SIPA1L1: variants seen among roughly 807,000 people sequenced by gnomAD.
SIPA1L1 encodes signal induced proliferation associated 1 like 1.
Under a neutral mutation model 162.7 loss-of-function variants are expected in SIPA1L1, and 26 were observed. The ratio of observed to expected loss-of-function variants is 0.16; its 90% confidence interval spans 0.12 to 0.22. SIPA1L1 has a LOEUF of 0.22. Ranked by LOEUF, SIPA1L1 falls within the 10% of genes least tolerant of loss-of-function variation. The pLI is 1.00. For missense variants in SIPA1L1, 1,874 were observed against 2,241.0 expected, an observed-to-expected ratio of 0.84 and a Z score of 3.31; for synonymous variants, 829 against 837.4, an observed-to-expected ratio of 0.99 and a Z score of 0.17.
At chr14:71,464,742 A>C (rs1253075774) in intron 2 of SIPA1L1, among the ~76,000 whole-genome samples, 1 of 152,164 alleles carries the variant, frequency 6.6e-6, no homozygotes, top group Non-Finnish European at 1.5e-5. Flanking sequence ...TCCTTCCACT[A>C]TTATTCCTTA....
intron 2 of SIPA1L1, among the ~76,000 whole-genome samples, chr14:71,392,319 G>A (rs928318730): frequency 2.6e-5 from 4 of 152,094 alleles, no homozygotes; most frequent in Admixed American, 2.6e-4. Flanking sequence ...GCCTGTCACC[G>A]AGCCTTGTTT....
rs948748700 is a variant in SIPA1L1, at chr14:71,377,384, C to T, written c.-465+56203C>T. 4.0e-4 allele frequency among the ~76,000 whole-genome samples: 60 copies of T among 151,048 alleles called. No homozygotes were observed. The highest frequency in any genetic ancestry group is 4.4e-4 in the Non-Finnish European group (30 of 67,718). On this transcript the variant is annotated intron_variant, in intron 2 of 23. Transcript: ENST00000381232. The surrounding 1 kb of genome is among the most constrained non-coding windows in gnomAD (Gnocchi z 4.8). The stretch of plus-strand genomic sequence containing the variant: ...ACTCCTCAGTTCCCAGACGGGGTCG[C>T]GGCCGGGCAGAGGCACTCCTCACCT...
At chr14:71,326,828 C>G (rs2033873066) in intron 2 of SIPA1L1, among the ~76,000 whole-genome samples, 1 of 150,040 alleles carries the variant, frequency 6.7e-6, no homozygotes, top group Non-Finnish European at 1.5e-5. Flanking sequence ...TCTCCTGCCT[C>G]AGCCTCCCAA....
intron 5 of SIPA1L1, among the ~76,000 whole-genome samples, chr14:71,608,821 G>C (rs950870240): frequency 6.6e-6 from 1 of 152,132 alleles, no homozygotes; most frequent in Non-Finnish European, 1.5e-5. Flanking sequence ...CTTGAACCTG[G>C]GAGTTGGAGG....
intron 4 of SIPA1L1, among the ~76,000 whole-genome samples, chr14:71,550,027 G>GCA (rs2055647839): frequency 6.6e-6 from 1 of 151,556 alleles, no homozygotes; most frequent in Non-Finnish European, 1.5e-5. Context: ...GGGAGGCTGA[G>GCA]GTAGGAGAAT....
intron 2 of SIPA1L1, among the ~76,000 whole-genome samples, chr14:71,443,804 C>T (rs1478073083): frequency 6.6e-6 from 1 of 152,214 alleles, no homozygotes; most frequent in Non-Finnish European, 1.5e-5. Context: ...TAAAGGAAAT[C>T]ACTAGGGACA....
At chr14:71,365,909 A>G (rs1328600294) in intron 2 of SIPA1L1, among the ~76,000 whole-genome samples, 1 of 54,044 alleles carries the variant, frequency 1.9e-5, no homozygotes, top group Non-Finnish European at 4.1e-5. Flanking sequence ...TTTTTTTTTA[A>G]GAGATGGGGT....
intron 2 of SIPA1L1, among the ~76,000 whole-genome samples, chr14:71,480,518 T>C (rs2048273318): frequency 6.6e-6 from 1 of 150,598 alleles, no homozygotes; most frequent in African/African-American, 2.4e-5. Context: ...TCCCAGCATT[T>C]TGGGAGGCCT....
chr14:71,535,076 C>T (rs1595949981), intron 4 of SIPA1L1, among the ~76,000 whole-genome samples: 1 of 152,214 alleles, frequency 6.6e-6, no homozygotes, highest in South Asian at 2.1e-4. Context: ...ATAATTTTAC[C>T]GTCCAGAAGT....
chr14:71,399,149 CTTGATGCATAT>C (rs1226810714), intron 2 of SIPA1L1, among the ~76,000 whole-genome samples: 1 of 152,130 alleles, frequency 6.6e-6, no homozygotes, highest in Non-Finnish European at 1.5e-5. Context: ...TAACATGTTC[CTTGATGCATAT>C]TCAAGTCCTG....
chr14:71,438,611 A>G (rs574276714), intron 2 of SIPA1L1, among the ~76,000 whole-genome samples: 6 of 152,240 alleles, frequency 3.9e-5, no homozygotes, highest in Non-Finnish European at 8.8e-5. Flanking sequence ...CTTTGGTACC[A>G]AACAGACATG....
chr14:71,616,712 G>T (rs2038882814), intron 5 of SIPA1L1, among the ~76,000 whole-genome samples: 1 of 152,144 alleles, frequency 6.6e-6, no homozygotes, highest in South Asian at 2.1e-4. Context: ...TAGACACATT[G>T]TCATTTGCCA....
At chr14:71,393,238 A>G (rs974840216) in intron 2 of SIPA1L1, among the ~76,000 whole-genome samples, 1 of 148,984 alleles carries the variant, frequency 6.7e-6, no homozygotes, top group Non-Finnish European at 1.5e-5. Context: ...AAGTTATTAT[A>G]ATATTTTCAA....
rs144127608 is a variant in SIPA1L1, at chr14:71,610,555, T to C, written c.1499-8202T>C. On this transcript the variant is annotated intron_variant, in intron 5 of 23. Transcript: ENST00000381232. ...ACTAGTGAGTTTCAGTTTTTAAAAA[T>C]ATAACTATTGGCCATTTGTCATAGA... is the stretch of plus-strand genomic sequence containing the variant. 7.4e-4 allele frequency among the ~76,000 whole-genome samples: 113 copies of C among 152,318 alleles called. No homozygotes were observed. In the East Asian group the frequency reaches 0.02, roughly 27 times the overall value.
chr14:71,462,125 A>G (rs1031192851), intron 2 of SIPA1L1, among the ~76,000 whole-genome samples: 4 of 152,240 alleles, frequency 2.6e-5, no homozygotes, highest in African/African-American at 7.2e-5. Flanking sequence ...TAGGCAGTTC[A>G]GGTTGCATGG....
At chr14:71,636,704 T>C (rs1056245370) in intron 7 of SIPA1L1, among the ~76,000 whole-genome samples, 2 of 152,068 alleles carry the variant, frequency 1.3e-5, no homozygotes, top group African/African-American at 2.4e-5. Flanking sequence ...CAGAAATCAA[T>C]GAAATTAAAA....
chr14:71,401,126 TTTG>T (rs1194877490), intron 2 of SIPA1L1, among the ~76,000 whole-genome samples: 1 of 152,206 alleles, frequency 6.6e-6, no homozygotes, highest in African/African-American at 2.4e-5. Context: ...CATCTTCTGA[TTTG>T]TTGTTTAGCT....
At chr14:71,706,207 G>C (rs1195501337) in intron 16 of SIPA1L1, among the ~76,000 whole-genome samples, 1 of 152,054 alleles carries the variant, frequency 6.6e-6, no homozygotes, top group African/African-American at 2.4e-5. Context: ...AAGGTTTTCT[G>C]AGGAAAACCT....
At chr14:71,704,596 G>A (rs981760489) in intron 15 of SIPA1L1, 17 of 689,472 alleles carry the variant, frequency 2.5e-5, no homozygotes, top group Non-Finnish European at 3.9e-5. Context: ...CTATAGTGGT[G>A]TTATGGAGGA....
Sources: gnomAD v4.1 joint callset for allele counts (sites outside exome capture counted in the v4.1 genomes callset) on GRCh38, gnomAD v4.1.1 for gene constraint, Gnocchi (gnomAD v3.1) non-coding constraint, MANE v1.5 for transcripts, NCBI Gene and HGNC (gene_info 2026-07-23, HGNC 2026-07-21) for gene names.